Variants in SLCO2A1 observed in about 807,000 individuals in gnomAD.
The protein encoded by SLCO2A1 is matrin F/G 1.
In SLCO2A1, 60 loss-of-function variants were observed where a neutral mutation model predicts 71.7. That is an observed-to-expected ratio of 0.84 (90% CI 0.68 to 1.04). SLCO2A1 has a LOEUF of 1.04. Among genes scored for constraint, SLCO2A1 ranks in the 50% least tolerant of loss-of-function variants. SLCO2A1 has a pLI of 0.00. For missense variants in SLCO2A1, 745 were observed against 813.4 expected, an observed-to-expected ratio of 0.92 and a Z score of 1.02; for synonymous variants, 308 against 326.7, an observed-to-expected ratio of 0.94 and a Z score of 0.62.
intron 11 of SLCO2A1, among the ~76,000 whole-genome samples, chr3:133,940,945 T>C (rs1379796423): frequency 1.3e-5 from 2 of 152,190 alleles, no homozygotes; most frequent in East Asian, 1.9e-4. Context: ...GTGGTGGCTC[T>C]TCTATGCTCA....
In SLCO2A1 at chr3:133,950,142, C is replaced by G. The variant is rs140951114; in HGVS notation, c.861+1066G>C. 4.8e-3 allele frequency among the ~76,000 whole-genome samples: 728 copies of G among 152,154 alleles called. 8 individuals are homozygous for G. The highest frequency in any genetic ancestry group is 0.016 in the African/African-American group (658 of 41,508). On this transcript the variant is annotated intron_variant, in intron 6 of 13. Transcript: ENST00000310926. ...CCTCCTAAAGTGTGAGATTATACAC[C>G]TGGCCAACTCAGCTGGTTTATAAGT... is the stretch of plus-strand genomic sequence containing the variant.
chr3:133,944,300 C>T (rs890420373), intron 10 of SLCO2A1, among the ~76,000 whole-genome samples: 2 of 152,202 alleles, frequency 1.3e-5, no homozygotes, highest in Non-Finnish European at 2.9e-5. Flanking sequence ...TGATAGAATG[C>T]ACCCTCCATG....
chr3:134,005,057 A>G lies in SLCO2A1; in HGVS notation c.96+24650T>C, dbSNP rs187132280. On this transcript the variant is annotated intron_variant, in intron 1 of 13. Transcript: ENST00000310926. ...AGGTTTACAGTGGAAAACAATGACC[A>G]TGACATTCAGAGAAAAGTATAGAGG... Among the ~76,000 whole-genome samples the G allele has an allele frequency of 2.5e-4, 38 of 152,378 alleles. No individual in the cohort carries two copies. The East Asian group carries it at 5.0e-3, about 20-fold the overall frequency.
intron 1 of SLCO2A1, among the ~76,000 whole-genome samples, chr3:133,998,386 G>A (rs1935025890): frequency 6.6e-6 from 1 of 152,212 alleles, no homozygotes; most frequent in African/African-American, 2.4e-5. Flanking sequence ...TCCTGTGTCT[G>A]CCGCCCATGT....
chr3:134,001,762 GAGGAA>G (rs1344366760), intron 1 of SLCO2A1, among the ~76,000 whole-genome samples: 4 of 152,166 alleles, frequency 2.6e-5, no homozygotes, highest in Non-Finnish European at 5.9e-5. Context: ...TGATGTGAGA[GAGGAA>G]AGGAAACTGT....
intron 5 of SLCO2A1, among the ~76,000 whole-genome samples, chr3:133,951,607 T>G (rs963153438): frequency 2.6e-5 from 4 of 152,072 alleles, no homozygotes; most frequent in African/African-American, 9.7e-5. Flanking sequence ...CTTATTCAAC[T>G]CCCAGCCCTT....
chr3:133,964,463 G>A (rs961723846), intron 3 of SLCO2A1, among the ~76,000 whole-genome samples: 5 of 152,216 alleles, frequency 3.3e-5, no homozygotes, highest in African/African-American at 1.2e-4. Flanking sequence ...CTTGGAGACA[G>A]GCAATGTTGC....
chr3:133,948,465 A>G, intron 8 of SLCO2A1, 71 bp downstream of exon 8: 1 of 1,527,694 alleles, frequency 6.5e-7, no homozygotes, highest in Admixed American at 1.8e-5. Flanking sequence ...CCATCCCTGG[A>G]TGGGTGGCTG....
chr3:134,001,697 A>G (rs570342524), intron 1 of SLCO2A1, among the ~76,000 whole-genome samples: 3 of 152,280 alleles, frequency 2.0e-5, no homozygotes, highest in Admixed American at 1.3e-4. Context: ...GCTTCAGTCA[A>G]TGCTACAGAA....
intron 2 of SLCO2A1, among the ~76,000 whole-genome samples, chr3:133,974,136 C>T (rs763769149): frequency 6.6e-6 from 1 of 152,182 alleles, no homozygotes; most frequent in Non-Finnish European, 1.5e-5. Flanking sequence ...TAGAACCAAA[C>T]CTTTTTGGGA....
Position 133,974,498 on chromosome 3 carries a change from C to T in SLCO2A1, c.235-673G>A, listed in dbSNP as rs1004122175. On this transcript the variant is annotated intron_variant, in intron 2 of 13. Transcript: ENST00000310926. ...CACCTCTTGGAGAAGAGGGTTTCTGCCCAAGCAGCTCTGCTACTATCCTGC... is the reference window on the plus strand; with the variant it reads ...CACCTCTTGGAGAAGAGGGTTTCTGTCCAAGCAGCTCTGCTACTATCCTGC... Among the ~76,000 whole-genome samples the T allele has an allele frequency of 1.5e-4, 23 of 152,186 alleles. 1 individual carries two copies. The highest frequency in any genetic ancestry group is 5.5e-4 in the African/African-American group (23 of 41,456).
chr3:133,982,968 C>A (rs1306530600), intron 1 of SLCO2A1, among the ~76,000 whole-genome samples: 1 of 152,138 alleles, frequency 6.6e-6, no homozygotes, highest in Non-Finnish European at 1.5e-5. Context: ...CTGGACCCAG[C>A]CTGCCTCCAT....
Position 133,979,620 on chromosome 3 carries a change from T to C in SLCO2A1, c.97-2A>G. 1 of 1,607,912 alleles carries C rather than the reference T, an allele frequency of 6.2e-7. No homozygotes were observed. Among genetic ancestry groups the C allele is most frequent in the Non-Finnish European group, 8.5e-7 (1 of 1,176,972 alleles). ...GAGGCCTTGGCAGAGCACAAACACCTGGGGGAAGAGTGATGGGCCCGTGAG... is the reference window on the plus strand; with the variant it reads ...GAGGCCTTGGCAGAGCACAAACACCCGGGGGAAGAGTGATGGGCCCGTGAG... On this transcript the variant is annotated splice_acceptor_variant, in intron 1 of 13. Transcript: ENST00000310926. LOFTEE classifies it high-confidence loss of function.
At chr3:134,017,892 C>T (rs73864032) in intron 1 of SLCO2A1, among the ~76,000 whole-genome samples, 18,908 of 152,172 alleles carry the variant, frequency 0.12, 1,564 homozygotes, top group East Asian at 0.37. Context: ...TCCAACATCA[C>T]TTCTGGATCT....
At chr3:133,947,150 G>A (rs1933599263) in intron 9 of SLCO2A1, 106 bp downstream of exon 9, 3 of 932,188 alleles carry the variant, frequency 3.2e-6, no homozygotes, top group African/African-American at 3.4e-5. Context: ...AAAAAAAAGT[G>A]TACAGCAAAG....
chr3:134,011,411 G>T (rs901784586), intron 1 of SLCO2A1, among the ~76,000 whole-genome samples: 1 of 152,240 alleles, frequency 6.6e-6, no homozygotes, highest in African/African-American at 2.4e-5. Flanking sequence ...GGACTCTGAG[G>T]ACTGAAGAAG....
At chr3:134,029,484 ACACACTCGCACG>A (rs1184748045) in intron 1 of SLCO2A1, among the ~76,000 whole-genome samples, 9 of 149,356 alleles carry the variant, frequency 6.0e-5, no homozygotes, top group Admixed American at 3.3e-4. Context: ...ACACACACAC[ACACACTCGCACG>A]CACACACACA....
intron 8 of SLCO2A1, among the ~76,000 whole-genome samples, chr3:133,948,077 A>G (rs1933633399): frequency 1.3e-5 from 2 of 152,200 alleles, no homozygotes; most frequent in Admixed American, 1.3e-4. Flanking sequence ...TGTGTTTTGT[A>G]AAGCTCTCCA....
Position 133,942,673 on chromosome 3 carries a change from G to A in SLCO2A1, c.1557C>T (p.Ile519=), listed in dbSNP as rs1045795814. ...VPCAHFLLPA[I]FLISFVSLIA... ...TCAGGGACACGAAGGAGATGAGGAA[G>A]ATGGCCGGGAGCAGGAAGTGGGCAC... Residue 519 remains isoleucine, a synonymous_variant, in exon 11 of 14, where the codon ATC becomes ATT. Transcript: ENST00000310926. The A allele has an allele frequency of 3.7e-6, 6 of 1,614,016 alleles. No individual in the cohort carries two copies. The highest frequency in any genetic ancestry group is 5.1e-6 in the Non-Finnish European group (6 of 1,179,970).
Sources: allele counts gnomAD v4.1 joint callset (sites outside exome capture counted in the v4.1 genomes callset), GRCh38; gene constraint gnomAD v4.1.1; transcripts MANE v1.5; gene names NCBI Gene and HGNC (gene_info 2026-07-23, HGNC 2026-07-21).